Variants in COL8A1 observed in about 807,000 individuals in gnomAD.
COL8A1 encodes the protein collagen alpha-1(VIII) chain.
Under a neutral mutation model 42.7 loss-of-function variants are expected in COL8A1, and 21 were observed. That is an observed-to-expected ratio of 0.49 (90% CI 0.35 to 0.71). The LOEUF (loss-of-function observed/expected upper bound fraction) is 0.71. Among genes scored for constraint, COL8A1 ranks in the 30% least tolerant of loss-of-function variants. COL8A1 has a pLI of 0.01. For synonymous variants in COL8A1, 367 were observed against 369.1 expected, an observed-to-expected ratio of 0.99 and a Z score of 0.06; for missense variants, 788 against 962.4, an observed-to-expected ratio of 0.82 and a Z score of 2.40.
At chr3:99,792,723 C>T (rs899346731) in intron 3 of COL8A1, among the ~76,000 whole-genome samples, 1 of 152,180 alleles carries the variant, frequency 6.6e-6, no homozygotes, top group African/African-American at 2.4e-5. Context: ...CTCTCGACTT[C>T]ATCCATACTG....
intron 1 of COL8A1, among the ~76,000 whole-genome samples, chr3:99,729,241 C>T (rs539370604): frequency 6.6e-6 from 1 of 152,166 alleles, no homozygotes; most frequent in South Asian, 2.1e-4. Flanking sequence ...TTCTCCAGCT[C>T]TCTAAGCTGA....
chr3:99,656,811 G>A (rs1218304489), intron 1 of COL8A1, among the ~76,000 whole-genome samples: 2 of 152,204 alleles, frequency 1.3e-5, no homozygotes, highest in Non-Finnish European at 2.9e-5. Context: ...CTGGGTTTTG[G>A]AAGGCCAAGA....
Position 99,796,112 on chromosome 3 carries a change from AG to A in COL8A1, c.2213del (p.Gly738AspfsTer22). The A allele has an allele frequency of 4.6e-6, 7 of 1,529,290 alleles. No individual in the cohort carries two copies. Among genetic ancestry groups the A allele is most frequent in the Non-Finnish European group, 6.2e-6 (7 of 1,136,628 alleles). The allele number at this position is 1,529,290 out of a possible 1,614,324, so 94.7% of individuals were successfully genotyped here. A position where few individuals can be genotyped will look rare whatever the true frequency, so the allele number is the denominator to read the frequency against. ...GGCAGTATGTCCACTCCTCCTTTTC[AG>A]GATATTTATTGTATCCCATGTAAAA... is the stretch of plus-strand genomic sequence containing the variant. ...AGQYVHSSFS[G>X]YLLYPM On this transcript the variant is annotated frameshift_variant, in exon 4 of 4. Transcript: ENST00000652472. LOFTEE classifies it high-confidence loss of function.
chr3:99,696,975 A>ATTTT (rs1559781774), intron 1 of COL8A1, among the ~76,000 whole-genome samples: 1 of 133,894 alleles, frequency 7.5e-6, no homozygotes, highest in East Asian at 2.2e-4. Flanking sequence ...AATATACACA[A>ATTTT]ATTTTTTTTT....
chr3:99,761,946 C>A (rs1305095587), intron 2 of COL8A1, among the ~76,000 whole-genome samples: 1 of 152,108 alleles, frequency 6.6e-6, no homozygotes, highest in Non-Finnish European at 1.5e-5. Flanking sequence ...GCTATTCCAG[C>A]AATAAATTTT....
Position 99,794,819 on chromosome 3 carries a change from T to C in COL8A1, c.918T>C (p.Val306=). The C allele has an allele frequency of 6.2e-7, 1 of 1,611,380 alleles. No homozygotes were observed. Among genetic ancestry groups the C allele is most frequent in the Non-Finnish European group, 8.5e-7 (1 of 1,178,820 alleles). ...GPQGPIGVPG[V]QGPPGIPGIG... is the part of the protein sequence containing the mutation. ...AAGGCCCTATTGGGGTACCGGGGGT[T>C]CAAGGACCTCCTGGGATACCCGGAA... Residue 306 remains valine, a synonymous_variant, in exon 4 of 4, where the codon GTT becomes GTC. Transcript: ENST00000652472. This position sits in a 1 kb window ranked among gnomAD's most constrained non-coding sequence, Gnocchi z 4.3.
chr3:99,691,279 T>A (rs907129211), intron 1 of COL8A1: 1 of 152,138 alleles, frequency 6.6e-6, no homozygotes. Flanking sequence ...GCAGAAGCCA[T>A]ATGAGAGATG....
At chr3:99,787,956 T>G (rs1941929742) in intron 2 of COL8A1, among the ~76,000 whole-genome samples, 1 of 152,138 alleles carries the variant, frequency 6.6e-6, no homozygotes, top group African/African-American at 2.4e-5. Flanking sequence ...AATATTATTG[T>G]GTCCCACATT....
intron 1 of COL8A1, chr3:99,679,970 A>C (rs566879824): frequency 6.6e-6 from 1 of 152,278 alleles, no homozygotes; most frequent in Admixed American, 6.5e-5. Context: ...CAGTAATTCT[A>C]GGTCAGCAAT....
chr3:99,678,732 A>G (rs1352948642), intron 1 of COL8A1: 4 of 152,206 alleles, frequency 2.6e-5, no homozygotes, highest in Non-Finnish European at 5.9e-5. Flanking sequence ...AATAGTTACT[A>G]GTAGTTACAA....
At chr3:99,729,639 T>A (rs1050050383) in intron 1 of COL8A1, among the ~76,000 whole-genome samples, 1 of 152,018 alleles carries the variant, frequency 6.6e-6, no homozygotes, top group East Asian at 1.9e-4. Context: ...CCTATTTCTT[T>A]AGAAATGGAT....
intron 2 of COL8A1, among the ~76,000 whole-genome samples, chr3:99,788,446 A>G (rs562384913): frequency 2.6e-5 from 4 of 152,328 alleles, no homozygotes; most frequent in African/African-American, 9.6e-5. Context: ...AGGGCCAAAC[A>G]TGCTAGCTTA....
chr3:99,668,129 C>A (rs1271961419), intron 1 of COL8A1, among the ~76,000 whole-genome samples: 1 of 151,940 alleles, frequency 6.6e-6, no homozygotes, highest in Non-Finnish European at 1.5e-5. Flanking sequence ...AATTTGTAGA[C>A]CTCCCTTTTT....
chr3:99,733,926 T>C (rs933762753), intron 1 of COL8A1, among the ~76,000 whole-genome samples: 74 of 152,314 alleles, frequency 4.9e-4, no homozygotes, highest in African/African-American at 1.8e-3. Flanking sequence ...CTCATGTGTT[T>C]TTTGGCTGCA....
chr3:99,759,710 T>C (rs1376442923), intron 2 of COL8A1, among the ~76,000 whole-genome samples: 1 of 152,216 alleles, frequency 6.6e-6, no homozygotes, highest in African/African-American at 2.4e-5. Context: ...AAAGAGCTAG[T>C]TAAATCAATA....
intron 1 of COL8A1, among the ~76,000 whole-genome samples, chr3:99,734,217 C>A (rs1312866235): frequency 7.0e-6 from 1 of 142,268 alleles, no homozygotes; most frequent in Admixed American, 6.8e-5. Flanking sequence ...GACATGAAGT[C>A]CTTGCCCATG....
chr3:99,793,315 G>A (rs1165199344), intron 3 of COL8A1, among the ~76,000 whole-genome samples: 2 of 152,132 alleles, frequency 1.3e-5, no homozygotes, highest in Non-Finnish European at 2.9e-5. Context: ...TATTTGAAGT[G>A]ATAGATATAT....
chr3:99,765,705 T>C (rs1170293897), intron 2 of COL8A1, among the ~76,000 whole-genome samples: 1 of 152,158 alleles, frequency 6.6e-6, no homozygotes, highest in African/African-American at 2.4e-5. Flanking sequence ...ACCAGAGTAA[T>C]GCTCAATTGC....
chr3:99,715,803 C>T (rs560686075), intron 1 of COL8A1, among the ~76,000 whole-genome samples: 6 of 151,946 alleles, frequency 3.9e-5, no homozygotes, highest in African/African-American at 7.2e-5. Context: ...TTGCATCACT[C>T]GCAAGTGGGA....
Sources: allele counts gnomAD v4.1 joint callset (sites outside exome capture counted in the v4.1 genomes callset), GRCh38; gene constraint gnomAD v4.1.1; non-coding constraint Gnocchi (gnomAD v3.1); transcripts MANE v1.5; gene names NCBI Gene and HGNC (gene_info 2026-07-23, HGNC 2026-07-21).